Variants in TMTC2 observed in about 807,000 individuals in gnomAD.
The protein encoded by TMTC2 is transmembrane O-mannosyltransferase targeting cadherins 2, also known as protein O-mannosyl-transferase TMTC2.
A neutral mutation model predicts 82.4 loss-of-function variants in TMTC2; 43 were observed. That is an observed-to-expected ratio of 0.52 (90% CI 0.41 to 0.67). The LOEUF (loss-of-function observed/expected upper bound fraction) is 0.67, where lower values mean the gene tolerates loss of function less well. Ranked by LOEUF, TMTC2 falls within the 30% of genes least tolerant of loss-of-function variation. The pLI is 0.00. For synonymous variants in TMTC2, 408 were observed against 381.9 expected (o/e 1.07, Z -0.80); for missense variants, 919 against 1,012.4 (o/e 0.91, Z 1.25).
At chr12:83,095,124 G>A (rs1883977409) in intron 11 of TMTC2, among the ~76,000 whole-genome samples, 1 of 152,072 alleles carries the variant, frequency 6.6e-6, no homozygotes, top group South Asian at 2.1e-4. Flanking sequence ...TTGTGTGTGT[G>A]CATGTGTCCA....
At chr12:82,758,703 C>T (rs749810943) in intron 1 of TMTC2, 1 of 152,140 alleles carries the variant, frequency 6.6e-6, no homozygotes, top group Non-Finnish European at 1.5e-5. Context: ...TCCTTTCAAA[C>T]AGCAGTTTAA....
At chr12:82,832,037 G>A (rs1171335651) in intron 1 of TMTC2, among the ~76,000 whole-genome samples, 1 of 152,106 alleles carries the variant, frequency 6.6e-6, no homozygotes, top group East Asian at 1.9e-4. Flanking sequence ...ATAGAAAGTG[G>A]GTTATACAGA....
intron 3 of TMTC2, among the ~76,000 whole-genome samples, chr12:82,926,075 G>A (rs1217516478): frequency 2.6e-5 from 4 of 151,102 alleles, no homozygotes; most frequent in Admixed American, 6.6e-5. Context: ...ACTGCCTCCC[G>A]GGTTCAAGCG....
chr12:82,795,253 C>T (rs1427392118), intron 1 of TMTC2, among the ~76,000 whole-genome samples: 10 of 146,522 alleles, frequency 6.8e-5, no homozygotes, highest in South Asian at 4.3e-4. Flanking sequence ...TGCAGTGAGC[C>T]GAGATCGTGC....
At chr12:82,892,180 T>A (rs748977473) in intron 2 of TMTC2, among the ~76,000 whole-genome samples, 1 of 152,244 alleles carries the variant, frequency 6.6e-6, no homozygotes, top group African/African-American at 2.4e-5. Flanking sequence ...TCTTTTGATC[T>A]TAGTGACTGT....
At chr12:82,956,139 T>C (rs1006142820) in intron 4 of TMTC2, among the ~76,000 whole-genome samples, 2 of 152,088 alleles carry the variant, frequency 1.3e-5, no homozygotes, top group African/African-American at 4.8e-5. Context: ...CTTAAGTATA[T>C]AGCCCACAGA....
chr12:82,833,710 A>G (rs1401815347), intron 1 of TMTC2, among the ~76,000 whole-genome samples: 1 of 152,206 alleles, frequency 6.6e-6, no homozygotes, highest in Non-Finnish European at 1.5e-5. Flanking sequence ...GCTCAGCTTT[A>G]AGAAACTATA....
Position 83,061,790 on chromosome 12 carries a change from G to A in TMTC2, c.2290G>A (p.Ala764Thr). 1 of 1,596,694 alleles carries A rather than the reference G, an allele frequency of 6.3e-7. No homozygotes were observed. The highest frequency in any genetic ancestry group is 1.2e-5 in the South Asian group (1 of 86,254). Residue 764 changes from alanine to threonine, a missense_variant, in exon 11 of 12, where the codon GCT becomes ACT. Coordinates refer to ENST00000321196, the MANE Select transcript of TMTC2 (RefSeq NM_152588.3). ...CAGACAGGCTAGCCTCAATGAAGCA[G>A]CTGAGAAGTATTATGATCTGGCAGC... ...MLRQASLNEA[A>T]EKYYDLAARL...
intron 3 of TMTC2, among the ~76,000 whole-genome samples, chr12:82,929,688 G>A (rs1875920616): frequency 6.6e-6 from 1 of 152,082 alleles, no homozygotes. Context: ...GAAGTAAGAA[G>A]GCAAGAAAAG....
chr12:83,062,464 A>C (rs1216266522), intron 11 of TMTC2, among the ~76,000 whole-genome samples: 2 of 151,832 alleles, frequency 1.3e-5, no homozygotes, highest in African/African-American at 4.8e-5. Flanking sequence ...TCTGAACTCC[A>C]ACACATTGCT....
intron 1 of TMTC2, among the ~76,000 whole-genome samples, chr12:82,792,033 A>T (rs990842075): frequency 6.6e-6 from 1 of 152,088 alleles, no homozygotes; most frequent in Non-Finnish European, 1.5e-5. Context: ...GTTTTTTCTT[A>T]CCCACCTGCT....
intron 1 of TMTC2, among the ~76,000 whole-genome samples, chr12:82,713,997 T>A (rs1204311274): frequency 2.6e-5 from 4 of 152,252 alleles, no homozygotes; most frequent in Non-Finnish European, 5.9e-5. Flanking sequence ...CATTTATTTC[T>A]TATAATAATC....
chr12:83,057,905 A>G (rs892324173), intron 10 of TMTC2, among the ~76,000 whole-genome samples: 3 of 151,914 alleles, frequency 2.0e-5, no homozygotes, highest in Non-Finnish European at 4.4e-5. Flanking sequence ...TTATATTTCT[A>G]AAGAAGAAAT....
chr12:83,123,070 A>G (rs1885004955), intron 11 of TMTC2, among the ~76,000 whole-genome samples: 1 of 152,184 alleles, frequency 6.6e-6, no homozygotes, highest in Non-Finnish European at 1.5e-5. Context: ...TCTTCCCCCA[A>G]ACCAAAACTG....
chr12:82,817,656 T>C (rs1239001680), intron 1 of TMTC2, among the ~76,000 whole-genome samples: 2 of 152,206 alleles, frequency 1.3e-5, no homozygotes, highest in Non-Finnish European at 2.9e-5. Flanking sequence ...CATTAAACTT[T>C]GTCTCATTCC....
At chr12:82,841,867 A>G (rs1035562016) in intron 1 of TMTC2, among the ~76,000 whole-genome samples, 6 of 152,246 alleles carry the variant, frequency 3.9e-5, no homozygotes, top group African/African-American at 1.4e-4. Flanking sequence ...CCTTCTTTTG[A>G]CTCAAGTTTT....
chr12:82,758,774 G>A (rs1216613528), intron 1 of TMTC2: 2 of 152,084 alleles, frequency 1.3e-5, no homozygotes, highest in African/African-American at 2.4e-5. Flanking sequence ...AATCCTAATG[G>A]TATCATGAAA....
At chr12:82,796,812 A>G (rs1878742907) in intron 1 of TMTC2, among the ~76,000 whole-genome samples, 1 of 152,090 alleles carries the variant, frequency 6.6e-6, no homozygotes, top group Non-Finnish European at 1.5e-5. Flanking sequence ...TCTACAACTT[A>G]CCAGCTACTG....
At chr12:83,068,360 T>C (rs1882993253) in intron 11 of TMTC2, among the ~76,000 whole-genome samples, 1 of 152,110 alleles carries the variant, frequency 6.6e-6, no homozygotes, top group Non-Finnish European at 1.5e-5. Context: ...CAAAAAAACA[T>C]AAAACCAAGT....
Sources: allele counts gnomAD v4.1 joint callset (sites outside exome capture counted in the v4.1 genomes callset), GRCh38; gene constraint gnomAD v4.1.1; transcripts MANE v1.5; gene names NCBI Gene and HGNC (gene_info 2026-07-23, HGNC 2026-07-21).